The following ZNF704 variants were observed in gnomAD, a reference collection of about 807,000 sequenced individuals.
ZNF704 encodes zinc finger protein 704, also known as glucocorticoid induced gene 1.
In ZNF704, 10 loss-of-function variants were observed where a neutral mutation model predicts 44.7. That is an observed-to-expected ratio of 0.22 (90% CI 0.14 to 0.38). The LOEUF is 0.38. ZNF704 is among the 10% of genes least tolerant of loss of function. The probability of loss-of-function intolerance (pLI) is 1.00; values close to 1 mark genes in which losing one functional copy is unlikely to be tolerated. For synonymous variants in ZNF704, 211 were observed against 207.6 expected, an observed-to-expected ratio of 1.02 and a Z score of -0.14; for missense variants, 390 against 545.5, an observed-to-expected ratio of 0.71 and a Z score of 2.84.
intron 2 of ZNF704, among the ~76,000 whole-genome samples, chr8:80,775,938 C>T (rs748223564): frequency 3.9e-5 from 6 of 152,130 alleles, no homozygotes; most frequent in Admixed American, 1.3e-4. Context: ...TAAAGAGTAG[C>T]TCATAAAGTG....
intron 2 of ZNF704, among the ~76,000 whole-genome samples, chr8:80,798,973 C>T (rs1807855543): frequency 6.6e-6 from 1 of 152,140 alleles, no homozygotes; most frequent in Non-Finnish European, 1.5e-5. Context: ...CATGACATGG[C>T]AAAAGAGTCT....
At chr8:80,767,213 C>T (rs1807242305) in intron 2 of ZNF704, among the ~76,000 whole-genome samples, 1 of 152,052 alleles carries the variant, frequency 6.6e-6, no homozygotes, top group Admixed American at 6.5e-5. Flanking sequence ...AGATGCCTCA[C>T]AAATCTGTCA....
intron 2 of ZNF704, among the ~76,000 whole-genome samples, chr8:80,710,217 G>T (rs537158927): frequency 6.6e-6 from 1 of 152,076 alleles, no homozygotes; most frequent in Non-Finnish European, 1.5e-5. Flanking sequence ...ACCTGTTTAG[G>T]TTACAGTCCT....
intron 2 of ZNF704, among the ~76,000 whole-genome samples, chr8:80,782,675 A>G (rs1480846403): frequency 6.6e-6 from 1 of 152,144 alleles, no homozygotes; most frequent in Non-Finnish European, 1.5e-5. Context: ...CAGGGTAAGA[A>G]AGAGCCTGAA....
chr8:80,812,933 C>A (rs1808113630), intron 2 of ZNF704, among the ~76,000 whole-genome samples: 1 of 152,092 alleles, frequency 6.6e-6, no homozygotes, highest in South Asian at 2.1e-4. Flanking sequence ...TTAAGAATCT[C>A]ATTATTTCTA....
At position 80,634,913 on chromosome 8, in the gene ZNF704, CAG is replaced by C. The variant is rs1448157831; in HGVS notation, c.*6451_*6452del. The C allele has an allele frequency of 1.3e-5, 2 of 152,214 alleles. No individual in the cohort carries two copies. Among genetic ancestry groups the C allele is most frequent in the African/African-American group, 4.8e-5 (2 of 41,440 alleles). 9.4% of individuals were successfully genotyped at this position (152,214 alleles called of 1,614,324 possible). A position where few individuals can be genotyped will look rare whatever the true frequency, so the allele number is the denominator to read the frequency against. On this transcript the variant is annotated 3_prime_UTR_variant, in exon 9 of 9. Coordinates refer to ENST00000327835, the MANE Select transcript of ZNF704 (RefSeq NM_001033723.3). ...ATGGAGACATTCCAAGGAGTGAAAA[CAG>C]AGATTTGCAAGACGCCTCATCTCAA...
At chr8:80,697,525 G>A (rs779379349) in intron 2 of ZNF704, among the ~76,000 whole-genome samples, 23 of 152,182 alleles carry the variant, frequency 1.5e-4, no homozygotes, top group Admixed American at 1.3e-4. Context: ...AGGCAGCAAC[G>A]GTAATGATTA....
intron 2 of ZNF704, among the ~76,000 whole-genome samples, chr8:80,813,687 CT>C (rs1275536233): frequency 2.0e-5 from 3 of 152,002 alleles, no homozygotes; most frequent in African/African-American, 7.2e-5. Flanking sequence ...ACCATGCTGT[CT>C]TAACACGGTG....
intron 3 of ZNF704, among the ~76,000 whole-genome samples, chr8:80,691,407 T>C (rs57776893): frequency 0.11 from 16,575 of 152,208 alleles, 3,051 homozygotes; most frequent in African/African-American, 0.38. Flanking sequence ...GAAAACTCAG[T>C]CTTTTTAATG....
At chr8:80,653,731 G>A (rs1817961517) in intron 7 of ZNF704, among the ~76,000 whole-genome samples, 1 of 152,164 alleles carries the variant, frequency 6.6e-6, no homozygotes, top group African/African-American at 2.4e-5. Flanking sequence ...CTCATGGATA[G>A]GAAGAATCAA....
At chr8:80,836,343 C>T (rs1808582464) in intron 1 of ZNF704, among the ~76,000 whole-genome samples, 1 of 152,130 alleles carries the variant, frequency 6.6e-6, no homozygotes, top group African/African-American at 2.4e-5. Context: ...CTTCAGATAC[C>T]CACATTGCTT....
chr8:80,647,133 C>T (rs536211049), intron 7 of ZNF704, among the ~76,000 whole-genome samples: 1 of 152,370 alleles, frequency 6.6e-6, no homozygotes, highest in African/African-American at 2.4e-5. Flanking sequence ...TCTCTGCCCT[C>T]ATGGAGCTTA....
intron 2 of ZNF704, among the ~76,000 whole-genome samples, chr8:80,726,445 ATAATGAAGAACTATTT>A (rs1460302502): frequency 6.6e-6 from 1 of 152,220 alleles, no homozygotes. Context: ...TTGGATATTA[ATAATGAAGAACTATTT>A]TAATGTTGTG....
At chr8:80,696,959 G>A (rs562924312) in intron 2 of ZNF704, among the ~76,000 whole-genome samples, 1 of 152,254 alleles carries the variant, frequency 6.6e-6, no homozygotes, top group African/African-American at 2.4e-5. Flanking sequence ...AAAAGTTTTG[G>A]GCTTTGGAGT....
chr8:80,729,325 C>T (rs1806536577), intron 2 of ZNF704, among the ~76,000 whole-genome samples: 1 of 152,066 alleles, frequency 6.6e-6, no homozygotes, highest in Admixed American at 6.6e-5. Flanking sequence ...GCCGGGTGGC[C>T]TCAGATAACA....
intron 2 of ZNF704, among the ~76,000 whole-genome samples, chr8:80,781,836 G>C (rs1216602454): frequency 6.6e-6 from 1 of 152,180 alleles, no homozygotes; most frequent in Admixed American, 6.5e-5. Context: ...TTATCGACTG[G>C]ATTGGGACTA....
chr8:80,739,894 C>T (rs923890660), intron 2 of ZNF704, among the ~76,000 whole-genome samples: 1 of 152,202 alleles, frequency 6.6e-6, no homozygotes, highest in Admixed American at 6.5e-5. Context: ...TGAAAGTCCT[C>T]CGAGTCAGAA....
chr8:80,727,544 T>C lies in ZNF704; in HGVS notation c.222-34437A>G, dbSNP rs755952453. Reference sequence around the variant, plus strand: ...TTTGCAAGAGTTCGCCTTCGGGTTTTAAATAATTCATCATGCAGTGGCTCT... The same window carrying C: ...TTTGCAAGAGTTCGCCTTCGGGTTTCAAATAATTCATCATGCAGTGGCTCT... On this transcript the variant is annotated intron_variant, in intron 2 of 8. Coordinates refer to ENST00000327835, the MANE Select transcript of ZNF704 (RefSeq NM_001033723.3). Among the ~76,000 whole-genome samples the C allele has an allele frequency of 3.9e-5, 6 of 152,282 alleles. No individual in the cohort carries two copies. In the South Asian group the frequency reaches 6.2e-4, roughly 16 times the overall value.
chr8:80,675,878 A>G (rs1184095554), intron 4 of ZNF704, among the ~76,000 whole-genome samples: 1 of 152,170 alleles, frequency 6.6e-6, no homozygotes, highest in Admixed American at 6.5e-5. Context: ...GAGATGGAGC[A>G]CTGAAAGCTT....
Sources: gnomAD v4.1 joint callset for allele counts (sites outside exome capture counted in the v4.1 genomes callset) on GRCh38, gnomAD v4.1.1 for gene constraint, MANE v1.5 for transcripts, NCBI Gene and HGNC (gene_info 2026-07-23, HGNC 2026-07-21) for gene names.